The following NEGR1 variants were observed in gnomAD, a reference collection of about 807,000 sequenced individuals.
NEGR1 encodes the protein neuronal growth regulator 1.
In NEGR1, 10 loss-of-function variants were observed where a neutral mutation model predicts 40.9. That is an observed-to-expected ratio of 0.24 (90% confidence interval 0.15 to 0.42). NEGR1 has a LOEUF of 0.42. NEGR1 is among the 10% of genes least tolerant of loss of function. The pLI is 1.00. For missense variants in NEGR1, 352 were observed against 438.9 expected (o/e 0.80, Z 1.77); for synonymous variants, 185 against 166.8 (o/e 1.11, Z -0.84).
At chr1:72,281,329 T>C (rs1656238677) in intron 1 of NEGR1, among the ~76,000 whole-genome samples, 1 of 152,118 alleles carries the variant, frequency 6.6e-6, no homozygotes, top group Non-Finnish European at 1.5e-5. Flanking sequence ...AAGGAGAGTA[T>C]GCCTTTTAAA....
At chr1:72,179,070 T>A (rs530014601) in intron 1 of NEGR1, among the ~76,000 whole-genome samples, 5 of 152,142 alleles carry the variant, frequency 3.3e-5, no homozygotes, top group African/African-American at 1.2e-4. Flanking sequence ...CATCATGACG[T>A]CTCTGCCTGA....
At chr1:71,971,106 C>T (rs964552260) in intron 1 of NEGR1, among the ~76,000 whole-genome samples, 8 of 152,140 alleles carry the variant, frequency 5.3e-5, no homozygotes, top group African/African-American at 1.9e-4. Context: ...GAGAAGGACA[C>T]ATGAAGACAA....
intron 3 of NEGR1, among the ~76,000 whole-genome samples, chr1:71,737,782 G>C (rs549072205): frequency 3.3e-5 from 5 of 152,086 alleles, no homozygotes; most frequent in Admixed American, 6.5e-5. Context: ...TTACATTGCC[G>C]TTTTCCTGAA....
intron 6 of NEGR1, among the ~76,000 whole-genome samples, chr1:71,423,655 A>G (rs1569854512): frequency 6.6e-6 from 1 of 152,148 alleles, no homozygotes; most frequent in Non-Finnish European, 1.5e-5. Flanking sequence ...TACTATTGCA[A>G]TTCCTGAGGA....
At chr1:72,207,744 G>T (rs1219577164) in intron 1 of NEGR1, among the ~76,000 whole-genome samples, 1 of 151,632 alleles carries the variant, frequency 6.6e-6, no homozygotes, top group Admixed American at 6.6e-5. Flanking sequence ...GTCATTTTTA[G>T]ATAAATACTT....
At chr1:72,213,347 AT>A (rs150366041) in intron 1 of NEGR1, among the ~76,000 whole-genome samples, 6 of 151,812 alleles carry the variant, frequency 4.0e-5, no homozygotes, top group African/African-American at 7.2e-5. Context: ...TGCTTAGAAG[AT>A]TTTTTTTGTT....
At chr1:71,938,624 T>C (rs1351676035) in intron 1 of NEGR1, among the ~76,000 whole-genome samples, 3 of 151,982 alleles carry the variant, frequency 2.0e-5, no homozygotes, top group African/African-American at 7.2e-5. Context: ...GAGAGCCAAG[T>C]AGAGGAGCAT....
intron 1 of NEGR1, among the ~76,000 whole-genome samples, chr1:71,997,464 C>T (rs1646515048): frequency 6.6e-6 from 1 of 151,996 alleles, no homozygotes; most frequent in African/African-American, 2.4e-5. Flanking sequence ...AATGTCCAAT[C>T]CCCATGAAGC....
intron 1 of NEGR1, among the ~76,000 whole-genome samples, chr1:72,247,474 A>C (rs1228164869): frequency 6.6e-6 from 1 of 152,192 alleles, no homozygotes; most frequent in Non-Finnish European, 1.5e-5. Context: ...ACTTTAAATC[A>C]TCACTCTGAC....
At chr1:71,563,798 GA>G (rs1364662615) in intron 6 of NEGR1, among the ~76,000 whole-genome samples, 7 of 151,638 alleles carry the variant, frequency 4.6e-5, no homozygotes, top group Non-Finnish European at 7.4e-5. Flanking sequence ...AGTGATGGCT[GA>G]AAAAAAATAA....
At chr1:71,854,999 C>T (rs1384125521) in intron 2 of NEGR1, among the ~76,000 whole-genome samples, 1 of 152,082 alleles carries the variant, frequency 6.6e-6, no homozygotes, top group Non-Finnish European at 1.5e-5. Context: ...TGTAACAGCA[C>T]AAGGTCAACT....
At chr1:71,921,946 A>G (rs1257467336) in intron 2 of NEGR1, among the ~76,000 whole-genome samples, 1 of 151,980 alleles carries the variant, frequency 6.6e-6, no homozygotes, top group Non-Finnish European at 1.5e-5. Flanking sequence ...TGTATTTCAA[A>G]AAAAGGATGG....
chr1:71,993,555 A>G (rs559343422), intron 1 of NEGR1, among the ~76,000 whole-genome samples: 5 of 152,312 alleles, frequency 3.3e-5, no homozygotes, highest in Admixed American at 3.3e-4. Context: ...TGTTTTATTA[A>G]AATTATTATA....
At chr1:71,970,353 G>A (rs6424454) in intron 1 of NEGR1, among the ~76,000 whole-genome samples, 83,952 of 151,918 alleles carry the variant, frequency 0.55, 24,837 homozygotes, top group African/African-American at 0.75. Context: ...TGCATCAGGG[G>A]AATTTTAAGC....
chr1:71,948,074 G>A lies in NEGR1; in HGVS notation c.177-12763C>T, dbSNP rs191363308. On this transcript the variant is annotated intron_variant, in intron 1 of 6. Coordinates refer to ENST00000357731, the MANE Select transcript of NEGR1 (RefSeq NM_173808.3). ...CAAAGACAATCTTTCTGAAGAACAC[G>A]GACTTTTAAAATACAGTTGCTTAAA... Among the ~76,000 whole-genome samples the A allele has an allele frequency of 9.9e-5, 15 of 152,096 alleles. No homozygotes were observed. In the East Asian group the frequency reaches 2.1e-3, roughly 22 times the overall value.
chr1:71,501,312 T>C (rs1210661758), intron 6 of NEGR1, among the ~76,000 whole-genome samples: 1 of 152,174 alleles, frequency 6.6e-6, no homozygotes, highest in Admixed American at 6.5e-5. Flanking sequence ...TTATTTGTTA[T>C]GCATTAATTG....
chr1:71,911,818 G>A (rs1570492671), intron 2 of NEGR1, among the ~76,000 whole-genome samples: 2 of 152,308 alleles, frequency 1.3e-5, no homozygotes, highest in South Asian at 4.1e-4. Flanking sequence ...TTTGTAATTA[G>A]TCTTTAACTT....
At chr1:71,572,581 C>T (rs1648841609) in intron 6 of NEGR1, among the ~76,000 whole-genome samples, 1 of 152,156 alleles carries the variant, frequency 6.6e-6, no homozygotes, top group Non-Finnish European at 1.5e-5. Flanking sequence ...GCATTGATTT[C>T]CAGCATAGGG....
chr1:72,222,771 T>C (rs923589587), intron 1 of NEGR1, among the ~76,000 whole-genome samples: 8 of 152,160 alleles, frequency 5.3e-5, no homozygotes, highest in Non-Finnish European at 7.3e-5. Flanking sequence ...TGCATGCTCT[T>C]GAAAATCTTC....
Sources: gnomAD v4.1 joint callset for allele counts (sites outside exome capture counted in the v4.1 genomes callset) on GRCh38, gnomAD v4.1.1 for gene constraint, MANE v1.5 for transcripts, NCBI Gene and HGNC (gene_info 2026-07-23, HGNC 2026-07-21) for gene names.